The following ST8SIA1 variants were observed in gnomAD, a reference collection of about 807,000 sequenced individuals.
ST8SIA1 encodes alpha-N-acetylneuraminide alpha-2,8-sialyltransferase.
ST8SIA1 carries 16 observed loss-of-function variants against 35.9 expected under a neutral mutation model. The ratio of observed to expected loss-of-function variants is 0.45; its 90% CI spans 0.30 to 0.68. The LOEUF (loss-of-function observed/expected upper bound fraction) is 0.68. Among genes scored for constraint, ST8SIA1 ranks in the 30% least tolerant of loss-of-function variants. The pLI is 0.09. For missense variants in ST8SIA1, 383 were observed against 453.6 expected (o/e 0.84, Z 1.41); for synonymous variants, 170 against 169.6 (o/e 1.00, Z -0.02).
intron 2 of ST8SIA1, among the ~76,000 whole-genome samples, chr12:22,258,421 T>A (rs936483591): frequency 6.6e-6 from 1 of 151,428 alleles, no homozygotes; most frequent in Admixed American, 6.6e-5. Flanking sequence ...GTCAGGAGAC[T>A]GGATGGTGAA....
Position 22,193,755 on chromosome 12 carries a change from C to A in ST8SIA1, c.*7797G>T. ...GTAGGTTGGCTTTAATAGAAAGAAG[C>A]AATTCCATATACTCTTCAAAGGTGA... On this transcript the variant is annotated 3_prime_UTR_variant, in exon 5 of 5. Coordinates refer to ENST00000396037, the MANE Select transcript of ST8SIA1 (RefSeq NM_003034.4). 6.6e-6 allele frequency: 1 copy of A among 152,274 alleles called. No individual in the cohort carries two copies. The highest frequency in any genetic ancestry group is 2.1e-4 in the South Asian group (1 of 4,820). The allele number at this position is 152,274 out of a possible 1,614,324, so 9.4% of individuals were successfully genotyped here.
chr12:22,262,926 T>C (rs1312047967), intron 2 of ST8SIA1, among the ~76,000 whole-genome samples: 1 of 152,166 alleles, frequency 6.6e-6, no homozygotes, highest in Non-Finnish European at 1.5e-5. Flanking sequence ...TACCTCCACG[T>C]TATAAAAAAT....
intron 4 of ST8SIA1, among the ~76,000 whole-genome samples, chr12:22,208,043 G>T (rs1026720911): frequency 3.0e-4 from 45 of 151,386 alleles, no homozygotes; most frequent in African/African-American, 1.1e-3. Context: ...AGGAGGCTGA[G>T]GCAGAAGAAT....
At chr12:22,330,134 C>A (rs568789071) in intron 1 of ST8SIA1, among the ~76,000 whole-genome samples, 1 of 152,274 alleles carries the variant, frequency 6.6e-6, no homozygotes, top group East Asian at 1.9e-4. Context: ...CTGGCATATA[C>A]TTCTATCCTC....
intron 4 of ST8SIA1, among the ~76,000 whole-genome samples, chr12:22,202,580 G>C (rs984113549): frequency 2.2e-4 from 34 of 152,172 alleles, no homozygotes; most frequent in African/African-American, 8.2e-4. Context: ...GATGCAGGGA[G>C]TTGCCCATAT....
At chr12:22,271,150 T>G (rs1269723202) in intron 2 of ST8SIA1, among the ~76,000 whole-genome samples, 1 of 152,194 alleles carries the variant, frequency 6.6e-6, no homozygotes, top group African/African-American at 2.4e-5. Flanking sequence ...ATGAACCTTT[T>G]GGCTCACATA....
intron 4 of ST8SIA1, among the ~76,000 whole-genome samples, chr12:22,212,761 A>T (rs1865188576): frequency 1.3e-5 from 2 of 152,110 alleles, no homozygotes; most frequent in South Asian, 4.1e-4. Context: ...CCCTTTCCCA[A>T]ACTGATCCCT....
At chr12:22,239,475 T>C (rs1162643948) in intron 4 of ST8SIA1, among the ~76,000 whole-genome samples, 3 of 152,340 alleles carry the variant, frequency 2.0e-5, no homozygotes, top group Admixed American at 2.0e-4. Context: ...ATTTCAACAA[T>C]TATATTTTTC....
In ST8SIA1 at chr12:22,258,890, A is replaced by G. The variant is rs1865755800; in HGVS notation, c.382-3501T>C. On this transcript the variant is annotated intron_variant, in intron 2 of 4. Transcript: ENST00000396037. ...CAGCAACATAGTCCTAGTTATAAAC[A>G]TTACCTCCTAACTTCCAAACTGTGG... is the stretch of plus-strand genomic sequence containing the variant. Among the ~76,000 whole-genome samples, 3 of 152,194 alleles carry G rather than the reference A, an allele frequency of 2.0e-5. No homozygotes were observed. In the South Asian group the frequency reaches 6.2e-4, roughly 31 times the overall value.
At chr12:22,328,699 C>T (rs1591860276) in intron 1 of ST8SIA1, among the ~76,000 whole-genome samples, 3 of 152,266 alleles carry the variant, frequency 2.0e-5, no homozygotes, top group Admixed American at 2.0e-4. Context: ...GTTCTAAGCA[C>T]AGCCTGGGAA....
In ST8SIA1 at chr12:22,201,120, A is replaced by G. The variant is rs1281442412; in HGVS notation, c.*432T>C. 1 of 153,194 alleles carries G rather than the reference A, an allele frequency of 6.5e-6. No homozygotes were observed. Among genetic ancestry groups the G allele is most frequent in the African/African-American group, 2.4e-5 (1 of 41,488 alleles). 9.5% of individuals were successfully genotyped at this position (153,194 alleles called of 1,614,324 possible). A position where few individuals can be genotyped will look rare whatever the true frequency, so the allele number is the denominator to read the frequency against. The stretch of plus-strand genomic sequence containing the variant: ...TTTTTAAAAAAACCTACGGTTCTAA[A>G]GCCAGTCTTAATAAGACAGGTTCTT... On this transcript the variant is annotated 3_prime_UTR_variant, in exon 5 of 5. Coordinates refer to ENST00000396037, the MANE Select transcript of ST8SIA1 (RefSeq NM_003034.4).
chr12:22,249,674 C>A (rs1223738946), intron 3 of ST8SIA1, among the ~76,000 whole-genome samples: 1 of 152,066 alleles, frequency 6.6e-6, no homozygotes, highest in African/African-American at 2.4e-5. Context: ...GCCAAAGGGG[C>A]AAATTATCTA....
chr12:22,287,118 C>A, intron 2 of ST8SIA1, 31 bp downstream of exon 2: 1 of 1,570,442 alleles, frequency 6.4e-7, no homozygotes, highest in Non-Finnish European at 8.6e-7. Context: ...ATTTAAGAAA[C>A]CATACTGAAG....
intron 1 of ST8SIA1, among the ~76,000 whole-genome samples, chr12:22,329,202 A>G (rs1424015006): frequency 1.3e-5 from 2 of 152,230 alleles, no homozygotes; most frequent in African/African-American, 4.8e-5. Flanking sequence ...ATCCCAAATG[A>G]GCAGGGAACA....
intron 1 of ST8SIA1, among the ~76,000 whole-genome samples, chr12:22,320,957 G>GAAAGAGAA (rs1458108019): frequency 6.2e-3 from 516 of 82,954 alleles, no homozygotes; most frequent in Non-Finnish European, 9.9e-3. Context: ...AAGAAAGAAA[G>GAAAGAGAA]AGAAAGAAAG....
intron 2 of ST8SIA1, among the ~76,000 whole-genome samples, chr12:22,258,516 A>G (rs1395259395): frequency 2.6e-5 from 4 of 152,176 alleles, no homozygotes; most frequent in Non-Finnish European, 5.9e-5. Context: ...GAAAAAAATT[A>G]CATCAAATGC....
chr12:22,281,054 CT>C (rs1162861726), intron 2 of ST8SIA1, among the ~76,000 whole-genome samples: 1 of 152,076 alleles, frequency 6.6e-6, no homozygotes, highest in Non-Finnish European at 1.5e-5. Flanking sequence ...TGATTTCACC[CT>C]TTTTTTAGTG....
chr12:22,265,609 T>G (rs934930053), intron 2 of ST8SIA1, among the ~76,000 whole-genome samples: 3 of 152,286 alleles, frequency 2.0e-5, no homozygotes, highest in African/African-American at 7.2e-5. Flanking sequence ...ACAAGGTAAA[T>G]GATCAATAAT....
At chr12:22,222,943 C>G (rs988499103) in intron 4 of ST8SIA1, among the ~76,000 whole-genome samples, 2 of 152,028 alleles carry the variant, frequency 1.3e-5, no homozygotes, top group Non-Finnish European at 2.9e-5. Flanking sequence ...GTGAAAGAGC[C>G]AAATTTAGAG....
Sources: gnomAD v4.1 joint callset for allele counts (sites outside exome capture counted in the v4.1 genomes callset) on GRCh38, gnomAD v4.1.1 for gene constraint, MANE v1.5 for transcripts, NCBI Gene and HGNC (gene_info 2026-07-23, HGNC 2026-07-21) for gene names.